Variants in DIP2C observed in about 807,000 individuals in gnomAD.
DIP2C encodes disco-interacting protein 2 homolog C.
A neutral mutation model predicts 192.4 loss-of-function variants in DIP2C; 33 were observed. That is an observed-to-expected ratio of 0.17 (90% CI 0.13 to 0.23). The LOEUF is 0.23. Among genes scored for constraint, DIP2C ranks in the 10% least tolerant of loss-of-function variants. The probability of loss-of-function intolerance (pLI) is 1.00; values close to 1 mark genes in which losing one functional copy is unlikely to be tolerated. For synonymous variants in DIP2C, 979 were observed against 864.1 expected (o/e 1.13, Z -2.33); for missense variants, 1,537 against 2,110.1 (o/e 0.73, Z 5.32).
intron 35 of DIP2C, among the ~76,000 whole-genome samples, chr10:282,815 C>T (rs7088931): frequency 0.37 from 55,953 of 152,212 alleles, 13,029 homozygotes; most frequent in Non-Finnish European, 0.53. Flanking sequence ...CCGAGAGCCT[C>T]GCGGCCTCCT....
intron 1 of DIP2C, among the ~76,000 whole-genome samples, chr10:674,340 TAAA>T (rs1010976287): frequency 2.6e-5 from 4 of 152,054 alleles, no homozygotes; most frequent in South Asian, 2.1e-4. Context: ...CAATTTAAGT[TAAA>T]AACTGTAAAA....
intron 1 of DIP2C, among the ~76,000 whole-genome samples, chr10:591,895 C>T (rs943304402): frequency 1.3e-5 from 2 of 152,316 alleles, no homozygotes; most frequent in Non-Finnish European, 2.9e-5. Context: ...CTGAATGAGG[C>T]GACCAGGAAA....
intron 1 of DIP2C, among the ~76,000 whole-genome samples, chr10:617,626 G>A (rs1853558872): frequency 6.6e-6 from 1 of 151,542 alleles, no homozygotes; most frequent in Non-Finnish European, 1.5e-5. Context: ...AGCAAACCCA[G>A]CCCCACTGTC....
chr10:597,716 G>A (rs999390142), intron 1 of DIP2C, among the ~76,000 whole-genome samples: 2 of 152,180 alleles, frequency 1.3e-5, no homozygotes, highest in Admixed American at 6.5e-5. Flanking sequence ...GTCTTCAGAG[G>A]CTCCTGAACT....
At chr10:399,254 T>C in intron 9 of DIP2C, 35 bp from the exon 10 acceptor site, 1 of 1,575,576 alleles carries the variant, frequency 6.3e-7, no homozygotes, top group Non-Finnish European at 8.7e-7. Flanking sequence ...AGCATTAACG[T>C]GGGGTCCTGG....
At chr10:531,244 A>G (rs1847352973) in intron 1 of DIP2C, among the ~76,000 whole-genome samples, 1 of 152,082 alleles carries the variant, frequency 6.6e-6, no homozygotes, top group African/African-American at 2.4e-5. Flanking sequence ...AATCCCGATG[A>G]GCACACACAG....
chr10:649,701 A>T (rs1855734380), intron 1 of DIP2C, among the ~76,000 whole-genome samples: 1 of 152,252 alleles, frequency 6.6e-6, no homozygotes, highest in Non-Finnish European at 1.5e-5. Context: ...TAATTAACTC[A>T]AATGTGTTCA....
At chr10:550,153 G>A (rs7917823) in intron 1 of DIP2C, among the ~76,000 whole-genome samples, 24,109 of 151,740 alleles carry the variant, frequency 0.16, 3,062 homozygotes, top group African/African-American at 0.35. Context: ...GGGATTACAG[G>A]TGCCTGTCAC....
At chr10:543,010 T>C (rs1423580766) in intron 1 of DIP2C, among the ~76,000 whole-genome samples, 2 of 152,166 alleles carry the variant, frequency 1.3e-5, no homozygotes, top group African/African-American at 4.8e-5. Context: ...AAGTCAAACA[T>C]TGAGTGATGA....
intron 1 of DIP2C, among the ~76,000 whole-genome samples, chr10:618,934 A>C (rs1021869899): frequency 2.6e-5 from 4 of 152,210 alleles, no homozygotes; most frequent in African/African-American, 7.2e-5. Flanking sequence ...TCTGTGTAGA[A>C]AAACATCAAA....
chr10:667,100 T>A (rs1857143151), intron 1 of DIP2C: 1 of 152,296 alleles, frequency 6.6e-6, no homozygotes, highest in Non-Finnish European at 1.5e-5. Context: ...ATGCCTGTAA[T>A]CCCAACACCT....
At chr10:515,368 C>T (rs1846284258) in intron 1 of DIP2C, among the ~76,000 whole-genome samples, 1 of 152,202 alleles carries the variant, frequency 6.6e-6, no homozygotes, top group Admixed American at 6.5e-5. Context: ...TCCTCCTAGG[C>T]TCTTCCAAGC....
chr10:373,544 C>T lies in DIP2C; in HGVS notation c.1992-3911G>A, dbSNP rs186756328. Reference sequence around the variant, plus strand: ...ATAATGTAAGAGTCTCAGAACATGTCTGGGGTCCACGGTCTAAAACCCCTT... The same window carrying T: ...ATAATGTAAGAGTCTCAGAACATGTTTGGGGTCCACGGTCTAAAACCCCTT... On this transcript the variant is annotated intron_variant, in intron 17 of 36. Transcript: ENST00000280886. Among the ~76,000 whole-genome samples, 91 of 152,242 alleles carry T rather than the reference C, an allele frequency of 6.0e-4. No homozygotes were observed. The East Asian group carries it at 0.013, about 22-fold the overall frequency.
In DIP2C at chr10:425,714, CAG is replaced by C. The variant is rs141180228; in HGVS notation, c.395-2683_395-2682del. ...TGACTAGAAGTAAATACCAGAGCGA[CAG>C]GAATTCAGGTTAACATTCAAAAGTG... On this transcript the variant is annotated intron_variant, in intron 4 of 36. Transcript: ENST00000280886. Among the ~76,000 whole-genome samples the C allele has an allele frequency of 4.7e-3, 719 of 152,276 alleles. 16 individuals are homozygous for C. Among genetic ancestry groups the C allele is most frequent in the East Asian group, 0.032 (167 of 5,182 alleles).
At chr10:424,355 G>GTTTTTTTTTTTTTTTTTTTTTTTT (rs557255878) in intron 4 of DIP2C, among the ~76,000 whole-genome samples, 1 of 83,108 alleles carries the variant, frequency 1.2e-5, no homozygotes, top group African/African-American at 4.5e-5. Context: ...ATCACCTTGG[G>GTTTTTTTTTTTTTTTTTTTTTTTT]TTTTTTTTTT....
intron 5 of DIP2C, among the ~76,000 whole-genome samples, chr10:420,541 C>A (rs1033079221): frequency 2.6e-4 from 39 of 152,204 alleles, no homozygotes; most frequent in Non-Finnish European, 4.4e-5. Flanking sequence ...TGGATGGTAG[C>A]GTCTGGGAGG....
chr10:449,494 G>C (rs1175933943), intron 3 of DIP2C, among the ~76,000 whole-genome samples: 1 of 151,938 alleles, frequency 6.6e-6, no homozygotes, highest in Non-Finnish European at 1.5e-5. Context: ...TTTATCAAGA[G>C]TCCTGAAAAG....
intron 1 of DIP2C, among the ~76,000 whole-genome samples, chr10:682,144 T>C (rs1388319047): frequency 6.6e-6 from 1 of 152,250 alleles, no homozygotes; most frequent in Non-Finnish European, 1.5e-5. Flanking sequence ...CAACCAGCTC[T>C]TCCCAGAGCA....
intron 32 of DIP2C, among the ~76,000 whole-genome samples, chr10:301,477 T>C (rs1384275477): frequency 6.6e-6 from 1 of 152,126 alleles, no homozygotes; most frequent in Admixed American, 6.5e-5. Context: ...CATTCGCTGC[T>C]TGTCTCATTT....
Sources: allele counts gnomAD v4.1 joint callset (sites outside exome capture counted in the v4.1 genomes callset), GRCh38; gene constraint gnomAD v4.1.1; transcripts MANE v1.5; gene names NCBI Gene and HGNC (gene_info 2026-07-23, HGNC 2026-07-21).